The following SKAP2 variants were observed in gnomAD, a reference collection of about 807,000 sequenced individuals.
The protein encoded by SKAP2 is src kinase-associated phosphoprotein 2.
SKAP2 carries 28 observed loss-of-function variants against 54.9 expected under a neutral mutation model. That is an observed-to-expected ratio of 0.51 (90% CI 0.38 to 0.70). SKAP2 has a LOEUF of 0.70. Among genes scored for constraint, SKAP2 ranks in the 30% least tolerant of loss-of-function variants. The pLI is 0.00. For missense variants in SKAP2, 356 were observed against 424.1 expected (o/e 0.84, Z 1.41); for synonymous variants, 137 against 134.3 (o/e 1.02, Z -0.14).
intron 4 of SKAP2, among the ~76,000 whole-genome samples, chr7:26,801,536 G>A (rs771469457): frequency 6.6e-6 from 1 of 152,084 alleles, no homozygotes; most frequent in East Asian, 1.9e-4. Context: ...AGAAATAAAG[G>A]CATCCAAATT....
chr7:26,715,949 T>C (rs537810401), intron 9 of SKAP2, among the ~76,000 whole-genome samples: 30 of 152,338 alleles, frequency 2.0e-4, no homozygotes, highest in African/African-American at 7.0e-4. Flanking sequence ...TGGGTTTGGG[T>C]ATTTTCAACT....
chr7:26,708,134 A>G (rs1391230304), intron 9 of SKAP2, among the ~76,000 whole-genome samples: 2 of 152,226 alleles, frequency 1.3e-5, no homozygotes, highest in Non-Finnish European at 2.9e-5. Context: ...CACAGAGAAG[A>G]GCTAAGACAT....
Position 26,725,475 on chromosome 7 carries a change from A to T in SKAP2, c.749T>A (p.Leu250Gln). The change falls in exon 9 of 13, where the codon CTA (leucine) becomes CAA (glutamine). Residue 250 changes from leucine to glutamine, a missense_variant. Physicochemically the swap from Leu to Gln is moderately radical, Grantham distance 113. Transcript: ENST00000345317. ...VDHPLPISNP[L>Q]TSSQPIDDEI... The stretch of plus-strand genomic sequence containing the variant: ...ATCATCTATTGGTTGACTGCTTGTT[A>T]GTGGATTGCTTATTGGTAGAGGATG... The T allele has an allele frequency of 5.6e-6, 9 of 1,612,268 alleles. No homozygotes were observed. The highest frequency in any genetic ancestry group is 1.3e-5 in the African/African-American group (1 of 75,000).
chr7:26,723,776 A>G (rs1787633629), intron 9 of SKAP2, among the ~76,000 whole-genome samples: 1 of 152,162 alleles, frequency 6.6e-6, no homozygotes, highest in Non-Finnish European at 1.5e-5. Context: ...TATTTCAACA[A>G]TTGTAATGTA....
intron 11 of SKAP2, among the ~76,000 whole-genome samples, chr7:26,677,409 A>G (rs1016533571): frequency 6.6e-6 from 1 of 151,644 alleles, no homozygotes; most frequent in Admixed American, 6.6e-5. Flanking sequence ...AAAAAAAAAA[A>G]AAAAAAGAAG....
intron 9 of SKAP2, among the ~76,000 whole-genome samples, chr7:26,700,469 C>G (rs1178926771): frequency 6.6e-6 from 1 of 152,174 alleles, no homozygotes; most frequent in Non-Finnish European, 1.5e-5. Flanking sequence ...ACAGCCATCC[C>G]CAACTGCTGG....
At chr7:26,852,231 A>G (rs1283150886) in intron 3 of SKAP2, among the ~76,000 whole-genome samples, 1 of 152,204 alleles carries the variant, frequency 6.6e-6, no homozygotes, top group Non-Finnish European at 1.5e-5. Context: ...AATTTACTCA[A>G]TGTAGAGACC....
At chr7:26,729,294 C>A (rs114734490) in intron 6 of SKAP2, among the ~76,000 whole-genome samples, 1 of 152,072 alleles carries the variant, frequency 6.6e-6, no homozygotes, top group African/African-American at 2.4e-5. Context: ...ATTTCATAGA[C>A]ATGTACTTGT....
intron 4 of SKAP2, among the ~76,000 whole-genome samples, chr7:26,811,151 G>A (rs1784135767): frequency 6.6e-6 from 1 of 152,044 alleles, no homozygotes; most frequent in South Asian, 2.1e-4. Context: ...GCAGGTATTC[G>A]TGTTCCACCA....
At position 26,757,388 on chromosome 7, in the gene SKAP2, T is replaced by C. The variant is rs565957351; in HGVS notation, c.308-17424A>G. On this transcript the variant is annotated intron_variant, in intron 4 of 12. Transcript: ENST00000345317. ...AGGGATCCAGTTTCAGCTTTCTACA[T>C]ATGGCTGGCCAGTTTTCCCAGCACC... Among the ~76,000 whole-genome samples, 4 of 152,358 alleles carry C rather than the reference T, an allele frequency of 2.6e-5. No homozygotes were observed. The East Asian group carries it at 5.8e-4, about 22-fold the overall frequency.
chr7:26,704,830 A>T (rs1444758462), intron 9 of SKAP2, among the ~76,000 whole-genome samples: 4 of 152,212 alleles, frequency 2.6e-5, no homozygotes, highest in Non-Finnish European at 2.9e-5. Flanking sequence ...TAAAAATTTG[A>T]GCTCAAAAAC....
intron 4 of SKAP2, among the ~76,000 whole-genome samples, chr7:26,794,867 T>C (rs1373784733): frequency 6.6e-6 from 1 of 152,190 alleles, no homozygotes; most frequent in Admixed American, 6.5e-5. Context: ...GGAAGGTGGA[T>C]ATCTTGTCCA....
At chr7:26,837,946 A>G (rs374046338) in intron 4 of SKAP2, among the ~76,000 whole-genome samples, 111 of 152,286 alleles carry the variant, frequency 7.3e-4, no homozygotes, top group Admixed American at 2.0e-3. Context: ...CATGAATTCA[A>G]ATTCCAGTTC....
chr7:26,835,861 C>CA (rs1246860259), intron 4 of SKAP2, among the ~76,000 whole-genome samples: 3 of 152,118 alleles, frequency 2.0e-5, no homozygotes, highest in East Asian at 3.9e-4. Context: ...CATACGGAAC[C>CA]AAAAAAGAGC....
intron 9 of SKAP2, among the ~76,000 whole-genome samples, chr7:26,722,389 T>TC: frequency 7.4e-6 from 1 of 134,414 alleles, no homozygotes; most frequent in Non-Finnish European, 1.6e-5. Context: ...AATGCAATTT[T>TC]TTTTTTTTTT....
intron 11 of SKAP2, among the ~76,000 whole-genome samples, chr7:26,677,008 A>T (rs1223350504): frequency 6.6e-6 from 1 of 152,232 alleles, no homozygotes; most frequent in Non-Finnish European, 1.5e-5. Context: ...AGATAAGGGA[A>T]AAGTGGTGTA....
intron 11 of SKAP2, among the ~76,000 whole-genome samples, chr7:26,677,395 A>T (rs969180314): frequency 1.2e-4 from 11 of 95,074 alleles, no homozygotes; most frequent in African/African-American, 1.9e-4. Flanking sequence ...CTGTCTCAAT[A>T]AAAAAAAAAA....
intron 4 of SKAP2, among the ~76,000 whole-genome samples, chr7:26,816,747 T>C (rs3839811): frequency 2.0e-5 from 3 of 149,150 alleles, no homozygotes; most frequent in Non-Finnish European, 4.4e-5. Context: ...GCAAAAAAAA[T>C]GTTCTGATTA....
At chr7:26,752,516 A>G (rs2127967036) in intron 4 of SKAP2, among the ~76,000 whole-genome samples, 1 of 152,296 alleles carries the variant, frequency 6.6e-6, no homozygotes, top group Non-Finnish European at 1.5e-5. Context: ...ATAAGATCAT[A>G]GAGTATCTAT....
Sources: gnomAD v4.1 joint callset for allele counts (sites outside exome capture counted in the v4.1 genomes callset) on GRCh38, gnomAD v4.1.1 for gene constraint, MANE v1.5 for transcripts, NCBI Gene and HGNC (gene_info 2026-07-23, HGNC 2026-07-21) for gene names.